The following TECR variants were observed in gnomAD, a reference collection of about 807,000 sequenced individuals.
TECR encodes the protein trans-2,3-enoyl-CoA reductase, also known as very-long-chain enoyl-CoA reductase.
In TECR, 19 loss-of-function variants were observed where a neutral mutation model predicts 50.6. The ratio of observed to expected loss-of-function variants is 0.38; its 90% confidence interval spans 0.26 to 0.55. The LOEUF (loss-of-function observed/expected upper bound fraction) is 0.55. Among genes scored for constraint, TECR ranks in the 20% least tolerant of loss-of-function variants. The pLI is 0.79. For synonymous variants in TECR, 168 were observed against 163.5 expected (o/e 1.03, Z -0.21); for missense variants, 313 against 408.3 (o/e 0.77, Z 2.01).
intron 1 of TECR, chr19:14,531,667 C>T (rs1487114775): frequency 6.6e-6 from 1 of 152,198 alleles, no homozygotes; most frequent in Non-Finnish European, 1.5e-5. Flanking sequence ...GGTGATCCAC[C>T]CACCTTGGCC....
intron 1 of TECR, chr19:14,562,088 C>A: frequency 2.2e-6 from 1 of 449,798 alleles, no homozygotes; most frequent in Non-Finnish European, 4.0e-6. Flanking sequence ...CAGCCTGGCT[C>A]CCCGGGGAGA....
In TECR at chr19:14,543,298, G is replaced by T. The variant is rs562220888; in HGVS notation, c.15+13587G>T. The stretch of plus-strand genomic sequence containing the variant: ...GTTGGAGGATTGCAGAGGGTGGGGT[G>T]GGGGTGTGTGTGTGTGCAGATACTG... On this transcript the variant is annotated intron_variant, in intron 1 of 12. Transcript: ENST00000215567. Among the ~76,000 whole-genome samples, 22 of 121,960 alleles carry T rather than the reference G, an allele frequency of 1.8e-4. 1 individual carries two copies. The South Asian group carries it at 5.1e-3, about 28-fold the overall frequency. 80.0% of individuals were successfully genotyped at this position (121,960 alleles called of 152,430 possible). A position where few individuals can be genotyped will look rare whatever the true frequency, so the allele number is the denominator to read the frequency against.
intron 1 of TECR, among the ~76,000 whole-genome samples, chr19:14,548,879 C>T (rs1395499939): frequency 2.0e-5 from 3 of 152,076 alleles, no homozygotes; most frequent in East Asian, 1.9e-4. Context: ...CCAACCATCT[C>T]AGACATCTCA....
chr19:14,530,055 C>A (rs974416993), intron 1 of TECR: 1 of 428,512 alleles, frequency 2.3e-6, no homozygotes, highest in Non-Finnish European at 4.4e-6. Context: ...GCTCCCAATC[C>A]GAGGGAGTCT....
At position 14,565,398 on chromosome 19, in the gene TECR, C is replaced by T. The variant is rs2074047444; in HGVS notation, c.753+108C>T. 4.1e-6 allele frequency: 6 copies of T among 1,452,876 alleles called. No homozygotes were observed. The Admixed American group carries it at 5.6e-5, about 14-fold the overall frequency. 90.0% of individuals were successfully genotyped at this position (1,452,876 alleles called of 1,614,324 possible). A position where few individuals can be genotyped will look rare whatever the true frequency, so the allele number is the denominator to read the frequency against. On this transcript the variant is annotated intron_variant, in intron 11 of 12. Coordinates refer to ENST00000215567, the MANE Select transcript of TECR (RefSeq NM_138501.6). ...TGGGCAGCTGCTTTTGCCGCCTGCA[C>T]TGCGAGCATTGGGAGGTGGAGACCG...
Position 14,564,978 on chromosome 19 carries a change from C to G in TECR, c.592C>G (p.Leu198Val). 4 of 1,614,044 alleles carry G rather than the reference C, an allele frequency of 2.5e-6. No homozygotes were observed. The highest frequency in any genetic ancestry group is 1.7e-6 in the Non-Finnish European group (2 of 1,180,026). Residue 198 changes from leucine to valine, a missense_variant, in exon 9 of 13, where the codon CTC (leucine) becomes GTC (valine). Transcript: ENST00000215567. The part of the protein sequence containing the change: ...TYGAQQVKLA[L>V]AIFVICQLGN... ...CGGAGCTCAGCAGGTGAAACTGGCGCTCGCCATCTTTGTGGTAAGGAGGCT... is the reference window on the plus strand; with the variant it reads ...CGGAGCTCAGCAGGTGAAACTGGCGGTCGCCATCTTTGTGGTAAGGAGGCT...
chr19:14,530,312 ACAGCCACTCTTGAAGCCCAAGT>A (rs923603534), intron 1 of TECR: 4 of 155,886 alleles, frequency 2.6e-5, no homozygotes, highest in African/African-American at 9.7e-5. Context: ...ATACCCACCC[ACAGCCACTCTTGAAGCCCAAGT>A]CTTCTGACTC....
upstream of TECR, chr19:14,529,486 C>T (rs1389592453): frequency 1.4e-6 from 1 of 695,710 alleles, no homozygotes; most frequent in Non-Finnish European, 2.6e-6. Flanking sequence ...TAGTCCTAGT[C>T]TTGGTTCGGA....
intron 1 of TECR, among the ~76,000 whole-genome samples, chr19:14,539,376 T>C (rs1054247900): frequency 1.8e-4 from 27 of 151,996 alleles, no homozygotes; most frequent in African/African-American, 6.3e-4. Flanking sequence ...CAGAGCCCAC[T>C]TTTTAACCTG....
At position 14,563,788 on chromosome 19, in the gene TECR, G is replaced by A. The variant is rs1244574361; in HGVS notation, c.164-12G>A. On this transcript the variant is annotated splice_polypyrimidine_tract_variant and intron_variant, in intron 4 of 12. Transcript: ENST00000215567. The surrounding 1 kb of genome is among the most constrained non-coding windows in gnomAD (Gnocchi z 5.3). ...CCGGGTAGCCCCTGAGCCCTGGCCC[G>A]CCTCTCTGCAGAGGGCAAGTCCCTG... 4 of 1,613,428 alleles carry A rather than the reference G, an allele frequency of 2.5e-6. No individual in the cohort carries two copies. Among genetic ancestry groups the A allele is most frequent in the Admixed American group, 1.7e-5 (1 of 59,972 alleles).
chr19:14,546,168 G>A (rs1037777628), intron 1 of TECR, among the ~76,000 whole-genome samples: 1 of 152,118 alleles, frequency 6.6e-6, no homozygotes, highest in Non-Finnish European at 1.5e-5. Flanking sequence ...CATGGGGGCG[G>A]CGCTGGGGGC....
At chr19:14,559,287 AT>A (rs1444674031) in intron 1 of TECR, among the ~76,000 whole-genome samples, 2 of 151,702 alleles carry the variant, frequency 1.3e-5, no homozygotes, top group African/African-American at 4.8e-5. Flanking sequence ...GTCCCAGAAC[AT>A]TTTCCTCACT....
At chr19:14,528,396 C>T (rs565994615), upstream of TECR, among the ~76,000 whole-genome samples, 6 of 151,908 alleles carry the variant, frequency 3.9e-5, no homozygotes, top group Non-Finnish European at 7.4e-5. Context: ...TGTACCACCA[C>T]GCCCGGCTAA....
chr19:14,555,438 CTTTTTTT>C (rs747503834), intron 1 of TECR, among the ~76,000 whole-genome samples: 13 of 92,902 alleles, frequency 1.4e-4, no homozygotes, highest in East Asian at 3.2e-4. Context: ...TTTATTTATT[CTTTTTTT>C]TTTTTTTTTT....
chr19:14,542,894 G>A (rs1010914950), intron 1 of TECR, among the ~76,000 whole-genome samples: 1 of 152,064 alleles, frequency 6.6e-6, no homozygotes, highest in Non-Finnish European at 1.5e-5. Flanking sequence ...GTCCCTGCTC[G>A]AATCAGGCTC....
Position 14,554,771 on chromosome 19 carries a change from T to C in TECR, c.16-7754T>C, listed in dbSNP as rs181501676. Among the ~76,000 whole-genome samples, 22 of 152,086 alleles carry C rather than the reference T, an allele frequency of 1.4e-4. No homozygotes were observed. In the East Asian group the frequency reaches 4.1e-3, roughly 28 times the overall value. On this transcript the variant is annotated intron_variant, in intron 1 of 12. Transcript: ENST00000215567. ...CACATCTGTCCAGAATTTCACTGCT[T>C]GTCTCTGCCTTGTGCTTTTTTTTTT...
intron 1 of TECR, among the ~76,000 whole-genome samples, chr19:14,558,244 C>T (rs896378850): frequency 6.6e-6 from 1 of 152,164 alleles, no homozygotes; most frequent in African/African-American, 2.4e-5. Context: ...ACCAGGCGGG[C>T]GGGTTCCCAG....
At chr19:14,551,313 G>C (rs1416999325) in intron 1 of TECR, among the ~76,000 whole-genome samples, 1 of 152,004 alleles carries the variant, frequency 6.6e-6, no homozygotes, top group Non-Finnish European at 1.5e-5. Flanking sequence ...GACCTCAGGT[G>C]ATCCACCCAC....
chr19:14,540,894 G>A (rs982278982), intron 1 of TECR, among the ~76,000 whole-genome samples: 1 of 152,042 alleles, frequency 6.6e-6, no homozygotes, highest in Non-Finnish European at 1.5e-5. Flanking sequence ...GAGTGCAGTA[G>A]AGTGATCTCG....
Sources: allele counts gnomAD v4.1 joint callset (sites outside exome capture counted in the v4.1 genomes callset), GRCh38; gene constraint gnomAD v4.1.1; non-coding constraint Gnocchi (gnomAD v3.1); transcripts MANE v1.5; gene names NCBI Gene and HGNC (gene_info 2026-07-23, HGNC 2026-07-21).